The following CA8 variants were observed in gnomAD, a reference collection of about 807,000 sequenced individuals.
CA8 encodes carbonic anhydrase-related protein.
CA8 carries 22 observed loss-of-function variants against 41.4 expected under a neutral mutation model. The ratio of observed to expected loss-of-function variants is 0.53; its 90% confidence interval spans 0.38 to 0.76. The LOEUF is 0.76. Ranked by LOEUF, CA8 falls within the 30% of genes least tolerant of loss-of-function variation. The pLI is 0.00. For synonymous variants in CA8, 121 were observed against 130.6 expected, an observed-to-expected ratio of 0.93 and a Z score of 0.50; for missense variants, 270 against 352.8, an observed-to-expected ratio of 0.77 and a Z score of 1.88.
intron 2 of CA8, among the ~76,000 whole-genome samples, chr8:60,271,275 G>A (rs951422861): frequency 6.6e-6 from 1 of 151,952 alleles, no homozygotes; most frequent in Admixed American, 6.6e-5. Context: ...CCAGGACTTG[G>A]AGGCTGCAGT....
intron 2 of CA8, among the ~76,000 whole-genome samples, chr8:60,275,746 A>G (rs1346789018): frequency 3.3e-5 from 5 of 152,218 alleles, no homozygotes; most frequent in African/African-American, 1.2e-4. Context: ...CCAAGTGCCC[A>G]GCATATAGTG....
intron 7 of CA8, among the ~76,000 whole-genome samples, chr8:60,213,549 C>T (rs928301210): frequency 2.0e-5 from 3 of 152,222 alleles, no homozygotes; most frequent in African/African-American, 7.2e-5. Context: ...ACCAGGCCCA[C>T]ATGGCCACCA....
chr8:60,228,908 C>A (rs1807538951), intron 4 of CA8, among the ~76,000 whole-genome samples: 1 of 152,086 alleles, frequency 6.6e-6, no homozygotes, highest in African/African-American at 2.4e-5. Context: ...CTTTCTTTTC[C>A]TTCCTTGCCA....
chr8:60,232,684 A>G, intron 3 of CA8: 1 of 406,896 alleles, frequency 2.5e-6, no homozygotes, highest in Non-Finnish European at 4.6e-6. Context: ...CTTGGATGTC[A>G]TCCTTTTGAA....
At chr8:60,277,762 A>C (rs954377994) in intron 2 of CA8, among the ~76,000 whole-genome samples, 5 of 152,240 alleles carry the variant, frequency 3.3e-5, no homozygotes, top group Admixed American at 6.5e-5. Context: ...GAGGAGCTTA[A>C]ATATCCTAGG....
intron 8 of CA8, among the ~76,000 whole-genome samples, chr8:60,192,391 G>A (rs1322517469): frequency 1.3e-5 from 2 of 152,104 alleles, no homozygotes; most frequent in South Asian, 2.1e-4. Context: ...ATCATGTGCT[G>A]AGCATAGTAC....
chr8:60,276,217 G>A (rs971075253), intron 2 of CA8, among the ~76,000 whole-genome samples: 4 of 152,140 alleles, frequency 2.6e-5, no homozygotes, highest in South Asian at 2.1e-4. Context: ...GGACTTCCAC[G>A]GCATCCAGGA....
At chr8:60,232,593 TC>T in intron 3 of CA8, 1 of 585,962 alleles carries the variant, frequency 1.7e-6, no homozygotes. Flanking sequence ...GATCACTGCC[TC>T]TTAAGTCCAG....
intron 3 of CA8, among the ~76,000 whole-genome samples, chr8:60,260,051 C>A (rs548441500): frequency 1.4e-4 from 22 of 152,264 alleles, no homozygotes; most frequent in African/African-American, 5.1e-4. Context: ...CCCAAAGCAA[C>A]CTCAATCCAA....
At chr8:60,232,743 T>C (rs1807700426) in intron 3 of CA8, 1 of 299,810 alleles carries the variant, frequency 3.3e-6, no homozygotes, top group Non-Finnish European at 6.5e-6. Flanking sequence ...TAGAACTCAT[T>C]CAAAGGATGA....
chr8:60,265,722 C>A (rs555876795), intron 3 of CA8: 4 of 582,728 alleles, frequency 6.9e-6, no homozygotes, highest in African/African-American at 1.9e-5. Context: ...TGTGCTCATG[C>A]GCACACGCCA....
chr8:60,196,319 T>A (rs930413512), intron 8 of CA8, among the ~76,000 whole-genome samples: 5 of 152,192 alleles, frequency 3.3e-5, no homozygotes, highest in Non-Finnish European at 7.3e-5. Flanking sequence ...CATTTTACCA[T>A]AGCTCATGAA....
At chr8:60,218,725 A>C (rs1003752023) in intron 7 of CA8, among the ~76,000 whole-genome samples, 6 of 152,208 alleles carry the variant, frequency 3.9e-5, no homozygotes, top group African/African-American at 1.2e-4. Flanking sequence ...ACAACAACAA[A>C]AAAATGTGTA....
chr8:60,198,567 TC>T (rs1806341999), intron 8 of CA8, among the ~76,000 whole-genome samples: 1 of 152,190 alleles, frequency 6.6e-6, no homozygotes, highest in East Asian at 1.9e-4. Flanking sequence ...GTCACATTTT[TC>T]TTCCTTCTTC....
chr8:60,254,207 T>C (rs774445477), intron 3 of CA8, among the ~76,000 whole-genome samples: 19 of 152,238 alleles, frequency 1.2e-4, no homozygotes, highest in Non-Finnish European at 2.8e-4. Context: ...GCTTTAAACA[T>C]AGACACTTAA....
chr8:60,277,414 C>T (rs549404166), intron 2 of CA8, among the ~76,000 whole-genome samples: 3 of 151,920 alleles, frequency 2.0e-5, no homozygotes, highest in African/African-American at 7.2e-5. Flanking sequence ...AGAGCAATGG[C>T]GCAATCTCGG....
rs1461420810 is a variant in CA8, at chr8:60,186,569, A to AT, written c.*3451dup. The stretch of plus-strand genomic sequence containing the variant: ...CAAATCCAACTATATAAACAATAAC[A>AT]TTAAGTGCAAATGGGTTAAATAATC... On this transcript the variant is annotated 3_prime_UTR_variant, in exon 9 of 9. Transcript: ENST00000317995. 1.3e-5 allele frequency among the ~76,000 whole-genome samples: 2 copies of AT among 151,938 alleles called. No homozygotes were observed. The highest frequency in any genetic ancestry group is 2.9e-5 in the Non-Finnish European group (2 of 67,896).
In CA8 at chr8:60,185,666, A is replaced by G. The variant is rs1805944330; in HGVS notation, c.*4355T>C. ...CAGATGCTGAGAAAACAAAAACAGA[A>G]ACAGAAACTTTTCACCAGGAGTTTT... is the stretch of plus-strand genomic sequence containing the variant. On this transcript the variant is annotated 3_prime_UTR_variant, in exon 9 of 9. Transcript: ENST00000317995. 6.6e-6 allele frequency among the ~76,000 whole-genome samples: 1 copy of G among 152,166 alleles called. No individual in the cohort carries two copies. Among genetic ancestry groups the G allele is most frequent in the African/African-American group, 2.4e-5 (1 of 41,450 alleles).
In CA8 at chr8:60,208,831, G is replaced by T. The variant is rs141726537; in HGVS notation, c.827C>A (p.Pro276His). 54 of 1,613,936 alleles carry T rather than the reference G, an allele frequency of 3.3e-5. No individual in the cohort carries two copies. Among genetic ancestry groups the T allele is most frequent in the Non-Finnish European group, 4.1e-5 (48 of 1,180,020 alleles). The change falls in exon 8 of 9, where the codon CCC (proline) becomes CAC (histidine). Residue 276 changes from proline (P) to histidine (H), a missense_variant. Physicochemically the swap from Pro to His is moderately conservative, Grantham distance 77 (BLOSUM62 -2). Around this residue, in one of 3 missense-constraint regions of CA8, gnomAD observed 141 missense variants for 191.6 expected, o/e 0.74. Transcript: ENST00000317995. ...GACTCTGTCACTAAGAGGCTGAGTG[G>T]GCCGAAAGTTGTCTCCCAAAATCCC... ...CDGILGDNFRPTQPLSDRVIR... is the reference protein window; with the variant it reads ...CDGILGDNFRHTQPLSDRVIR...
Sources: gnomAD v4.1 joint callset for allele counts (sites outside exome capture counted in the v4.1 genomes callset) on GRCh38, gnomAD v4.1.1 for gene constraint, gnomAD v4.1.1 regional missense constraint, MANE v1.5 for transcripts, NCBI Gene and HGNC (gene_info 2026-07-23, HGNC 2026-07-21) for gene names.